The following ABTB2 variants were observed in gnomAD, a reference collection of about 807,000 sequenced individuals.
ABTB2 encodes ankyrin repeat and BTB domain containing 2.
ABTB2 carries 56 observed loss-of-function variants against 104.1 expected under a neutral mutation model. That is an observed-to-expected ratio of 0.54 (90% CI 0.43 to 0.67). ABTB2 has a LOEUF of 0.67. ABTB2 is among the 30% of genes least tolerant of loss of function. The probability of loss-of-function intolerance (pLI) is 0.00; values close to 1 mark genes in which losing one functional copy is unlikely to be tolerated. For missense variants in ABTB2, 1,279 were observed against 1,407.7 expected (o/e 0.91, Z 1.46); for synonymous variants, 606 against 608.2 (o/e 1.00, Z 0.05).
chr11:34,326,438 C>A (rs557444279), intron 1 of ABTB2, among the ~76,000 whole-genome samples: 3 of 152,042 alleles, frequency 2.0e-5, no homozygotes, highest in Non-Finnish European at 4.4e-5. Flanking sequence ...GCCTGCCCAA[C>A]GTGGTGAGAC....
chr11:34,338,767 G>A (rs1855225013), intron 1 of ABTB2, among the ~76,000 whole-genome samples: 1 of 152,082 alleles, frequency 6.6e-6, no homozygotes, highest in African/African-American at 2.4e-5. Context: ...ATAGATTCAG[G>A]GTGGGTTCCA....
At chr11:34,236,374 C>T (rs916761992) in intron 1 of ABTB2, among the ~76,000 whole-genome samples, 2 of 152,124 alleles carry the variant, frequency 1.3e-5, no homozygotes, top group Non-Finnish European at 2.9e-5. Flanking sequence ...AGGCACAGGG[C>T]AGAAAACACA....
At chr11:34,331,954 G>T (rs1240341244) in intron 1 of ABTB2, among the ~76,000 whole-genome samples, 2 of 152,204 alleles carry the variant, frequency 1.3e-5, no homozygotes, top group Non-Finnish European at 2.9e-5. Flanking sequence ...ATGAGTCACA[G>T]GTTTTACAAG....
At chr11:34,198,382 G>A (rs1853290008) in intron 2 of ABTB2, among the ~76,000 whole-genome samples, 1 of 151,876 alleles carries the variant, frequency 6.6e-6, no homozygotes, top group South Asian at 2.1e-4. Context: ...CAGAGATCGT[G>A]CCACCACACT....
intron 1 of ABTB2, among the ~76,000 whole-genome samples, chr11:34,326,573 T>C (rs957605726): frequency 6.7e-6 from 1 of 148,780 alleles, no homozygotes; most frequent in Non-Finnish European, 1.5e-5. Context: ...GAGGTTGCAG[T>C]GAGCCGAGAT....
intron 3 of ABTB2, among the ~76,000 whole-genome samples, chr11:34,182,496 C>A (rs1412295344): frequency 1.2e-5 from 1 of 84,906 alleles, no homozygotes; most frequent in African/African-American, 7.7e-5. Flanking sequence ...ATTGGGTTCT[C>A]TGGGGGGGGG....
At chr11:34,277,530 T>C (rs1854395188) in intron 1 of ABTB2, among the ~76,000 whole-genome samples, 1 of 150,774 alleles carries the variant, frequency 6.6e-6, no homozygotes, top group African/African-American at 2.4e-5. Context: ...ATGCCTGTAA[T>C]CCTAGCACTT....
At chr11:34,205,647 T>C (rs1415076292) in intron 1 of ABTB2, among the ~76,000 whole-genome samples, 1 of 151,852 alleles carries the variant, frequency 6.6e-6, no homozygotes. Context: ...AGGAATTTAA[T>C]CACTTTGGAG....
At chr11:34,202,661 G>A (rs1162035584) in intron 2 of ABTB2, among the ~76,000 whole-genome samples, 2 of 152,072 alleles carry the variant, frequency 1.3e-5, no homozygotes, top group African/African-American at 4.8e-5. Flanking sequence ...CCAACATGGT[G>A]AAACCCCGTC....
At chr11:34,281,032 G>T (rs1854442680) in intron 1 of ABTB2, among the ~76,000 whole-genome samples, 1 of 152,190 alleles carries the variant, frequency 6.6e-6, no homozygotes, top group Non-Finnish European at 1.5e-5. Flanking sequence ...AGTGGTCATA[G>T]TTGCCTTAAA....
intron 1 of ABTB2, among the ~76,000 whole-genome samples, chr11:34,284,501 C>A (rs546797531): frequency 2.0e-5 from 3 of 152,188 alleles, no homozygotes; most frequent in Non-Finnish European, 4.4e-5. Context: ...AGAAACAGAA[C>A]TTTAATCACA....
intron 1 of ABTB2, among the ~76,000 whole-genome samples, chr11:34,316,929 C>T (rs559244806): frequency 6.6e-6 from 1 of 152,316 alleles, no homozygotes; most frequent in South Asian, 2.1e-4. Flanking sequence ...CCGGGAGGCA[C>T]ATGGGAAAGA....
At chr11:34,246,855 T>C (rs971887045) in intron 1 of ABTB2, among the ~76,000 whole-genome samples, 4 of 148,552 alleles carry the variant, frequency 2.7e-5, no homozygotes, top group Non-Finnish European at 6.0e-5. Context: ...TTCTTTTTTT[T>C]TTTTTTTTTG....
intron 1 of ABTB2, among the ~76,000 whole-genome samples, chr11:34,283,376 C>G (rs1854470628): frequency 6.6e-6 from 1 of 151,476 alleles, no homozygotes. Flanking sequence ...CCACCATGCT[C>G]AGCTAATTTT....
intron 1 of ABTB2, among the ~76,000 whole-genome samples, chr11:34,243,709 C>T (rs1853950004): frequency 6.6e-6 from 1 of 152,224 alleles, no homozygotes; most frequent in African/African-American, 2.4e-5. Flanking sequence ...ATGTGCTTGG[C>T]ACAGACTCAG....
chr11:34,259,958 C>A (rs143777008), intron 1 of ABTB2, among the ~76,000 whole-genome samples: 1 of 152,246 alleles, frequency 6.6e-6, no homozygotes, highest in African/African-American at 2.4e-5. Context: ...GTGCACACCA[C>A]CACACTTGGC....
chr11:34,265,165 G>T (rs953817088), intron 1 of ABTB2, among the ~76,000 whole-genome samples: 1 of 152,216 alleles, frequency 6.6e-6, no homozygotes, highest in Admixed American at 6.5e-5. Context: ...AAGTTCCAGA[G>T]GCAGGTTGAG....
intron 3 of ABTB2, among the ~76,000 whole-genome samples, chr11:34,195,088 T>C (rs868158436): frequency 6.0e-5 from 2 of 33,292 alleles, no homozygotes; most frequent in Non-Finnish European, 1.5e-4. Context: ...GGGGGGGGAG[T>C]GGGGGCGGGA....
chr11:34,310,406 T>C (rs927885800), intron 1 of ABTB2, among the ~76,000 whole-genome samples: 2 of 152,058 alleles, frequency 1.3e-5, no homozygotes, highest in African/African-American at 4.8e-5. Flanking sequence ...TCGAATCAAC[T>C]TCCAAATCTG....
Sources: allele counts gnomAD v4.1 joint callset (sites outside exome capture counted in the v4.1 genomes callset), GRCh38; gene constraint gnomAD v4.1.1; transcripts MANE v1.5; gene names NCBI Gene and HGNC (gene_info 2026-07-23, HGNC 2026-07-21).